SLC39A8: variants seen among roughly 807,000 people sequenced by gnomAD.
The protein encoded by SLC39A8 is metal cation symporter ZIP8.
Under a neutral mutation model 40.4 loss-of-function variants are expected in SLC39A8, and 15 were observed. The observed-to-expected ratio is 0.37, with a 90% CI of 0.25 to 0.57. The LOEUF (loss-of-function observed/expected upper bound fraction) is 0.57. Ranked by LOEUF, SLC39A8 falls within the 20% of genes least tolerant of loss-of-function variation. The probability of loss-of-function intolerance (pLI) is 0.75; values close to 1 mark genes in which losing one functional copy is unlikely to be tolerated. For missense variants in SLC39A8, 472 were observed against 558.8 expected (o/e 0.84, Z 1.57); for synonymous variants, 223 against 221.6 (o/e 1.01, Z -0.06).
At chr4:102,298,663 G>A (rs1258854999) in intron 6 of SLC39A8, among the ~76,000 whole-genome samples, 1 of 152,040 alleles carries the variant, frequency 6.6e-6, no homozygotes, top group East Asian at 1.9e-4. Flanking sequence ...ATGCCCTCTT[G>A]AAGCTATGTC....
chr4:102,290,665 T>C (rs1733391805), intron 6 of SLC39A8, among the ~76,000 whole-genome samples: 1 of 149,924 alleles, frequency 6.7e-6, no homozygotes, highest in South Asian at 2.1e-4. Flanking sequence ...GTCAACAATT[T>C]GGCCCCTGAA....
At chr4:102,313,604 T>G (rs1179174944) in intron 3 of SLC39A8, among the ~76,000 whole-genome samples, 1 of 152,068 alleles carries the variant, frequency 6.6e-6, no homozygotes, top group Non-Finnish European at 1.5e-5. Flanking sequence ...ATTTTTATTT[T>G]TTTGAGATGA....
At chr4:102,320,181 ATATATATATG>A (rs1317293986) in intron 2 of SLC39A8, among the ~76,000 whole-genome samples, 2,120 of 99,856 alleles carry the variant, frequency 0.021, 61 homozygotes, top group African/African-American at 0.062. Context: ...ATATATATAT[ATATATATATG>A]TATATATATA....
At chr4:102,333,906 G>T (rs1735567846) in intron 2 of SLC39A8, among the ~76,000 whole-genome samples, 1 of 152,180 alleles carries the variant, frequency 6.6e-6, no homozygotes, top group East Asian at 1.9e-4. Context: ...AGCAGCCAGA[G>T]AAGTAAGAAA....
chr4:102,292,870 C>T (rs1025544054), intron 6 of SLC39A8, among the ~76,000 whole-genome samples: 2 of 151,940 alleles, frequency 1.3e-5, no homozygotes, highest in East Asian at 1.9e-4. Context: ...TCATTTAATC[C>T]TCATAATAAT....
At chr4:102,325,765 T>C (rs1405972915) in intron 2 of SLC39A8, among the ~76,000 whole-genome samples, 1 of 152,206 alleles carries the variant, frequency 6.6e-6, no homozygotes, top group Non-Finnish European at 1.5e-5. Context: ...AATTAAGTCA[T>C]GTTTTGTTTG....
chr4:102,279,520 A>G (rs1732780313), intron 6 of SLC39A8, among the ~76,000 whole-genome samples: 1 of 152,154 alleles, frequency 6.6e-6, no homozygotes, highest in African/African-American at 2.4e-5. Context: ...AAGACTACCA[A>G]GCACTCAGAT....
At chr4:102,338,329 G>A (rs1735768127) in intron 2 of SLC39A8, among the ~76,000 whole-genome samples, 1 of 151,832 alleles carries the variant, frequency 6.6e-6, no homozygotes, top group Admixed American at 6.6e-5. Flanking sequence ...TGGGACTACA[G>A]GCACCCACCA....
chr4:102,317,808 T>C (rs1734728001), intron 2 of SLC39A8, among the ~76,000 whole-genome samples: 1 of 152,156 alleles, frequency 6.6e-6, no homozygotes, highest in Non-Finnish European at 1.5e-5. Context: ...CCAAAGACTT[T>C]TCAGAATTAG....
At chr4:102,275,473 G>C (rs1013746783) in intron 6 of SLC39A8, among the ~76,000 whole-genome samples, 5 of 152,112 alleles carry the variant, frequency 3.3e-5, no homozygotes, top group African/African-American at 1.2e-4. Context: ...GGAGCACCCA[G>C]ATTCATAAAG....
At chr4:102,266,057 T>G (rs953750870) in intron 8 of SLC39A8, among the ~76,000 whole-genome samples, 16 of 152,234 alleles carry the variant, frequency 1.1e-4, no homozygotes, top group African/African-American at 3.6e-4. Flanking sequence ...TCTCTCATCA[T>G]ATATTCTACT....
intron 2 of SLC39A8, among the ~76,000 whole-genome samples, chr4:102,327,176 G>C (rs898034732): frequency 1.3e-5 from 2 of 152,058 alleles, no homozygotes; most frequent in African/African-American, 2.4e-5. Context: ...CAGGAGGATC[G>C]CTTGAGCCCA....
chr4:102,313,085 G>C (rs1050591394), intron 3 of SLC39A8, among the ~76,000 whole-genome samples: 3 of 152,088 alleles, frequency 2.0e-5, no homozygotes, highest in Non-Finnish European at 4.4e-5. Context: ...TGAAATTACT[G>C]TTATTCACAA....
Position 102,262,081 on chromosome 4 carries a change from T to A in SLC39A8, c.*963A>T. ...CTCTCGATCACACATAAGGAACATA[T>A]GTTTTCCAGTTAATCTGTCCTTGAT... On this transcript the variant is annotated 3_prime_UTR_variant, in exon 9 of 9. Transcript: ENST00000356736. The A allele has an allele frequency of 1.0e-6, 1 of 986,006 alleles. No individual in the cohort carries two copies. Among genetic ancestry groups the A allele is most frequent in the Non-Finnish European group, 1.2e-6 (1 of 829,930 alleles). The allele number at this position is 986,006 out of a possible 1,614,324, so 61.1% of individuals were successfully genotyped here. A position where few individuals can be genotyped will look rare whatever the true frequency, so the allele number is the denominator to read the frequency against.
downstream of SLC39A8, chr4:102,259,560 A>C: frequency 2.9e-6 from 4 of 1,382,018 alleles, no homozygotes; most frequent in Middle Eastern, 1.8e-4. Context: ...GAGAGATATA[A>C]ATAGGAAATC....
At chr4:102,313,174 A>G (rs1160212860) in intron 3 of SLC39A8, among the ~76,000 whole-genome samples, 1 of 152,140 alleles carries the variant, frequency 6.6e-6, no homozygotes, top group East Asian at 1.9e-4. Flanking sequence ...CAATGAGAAC[A>G]TGGGTTCTGA....
chr4:102,332,044 A>C (rs1209541268), intron 2 of SLC39A8, among the ~76,000 whole-genome samples: 1 of 152,236 alleles, frequency 6.6e-6, no homozygotes, highest in Non-Finnish European at 1.5e-5. Flanking sequence ...TGAACATAAG[A>C]CCTAAAACCA....
intron 6 of SLC39A8, among the ~76,000 whole-genome samples, chr4:102,299,699 C>T (rs1441115555): frequency 1.3e-5 from 2 of 152,022 alleles, no homozygotes; most frequent in Admixed American, 6.6e-5. Context: ...ACATAAAATT[C>T]ACAATAATCA....
chr4:102,259,518 C>G (rs190904608), downstream of SLC39A8: 151 of 1,537,666 alleles, frequency 9.8e-5, no homozygotes, highest in African/African-American at 1.9e-3. Flanking sequence ...TGATTATCTA[C>G]AAGAATCAGA....
Sources: allele counts gnomAD v4.1 joint callset (sites outside exome capture counted in the v4.1 genomes callset), GRCh38; gene constraint gnomAD v4.1.1; transcripts MANE v1.5; gene names NCBI Gene and HGNC (gene_info 2026-07-23, HGNC 2026-07-21).